The following CHST10 variants were observed in gnomAD, a reference collection of about 807,000 sequenced individuals.
CHST10 encodes HNK-1 sulfotransferase.
In CHST10, 24 loss-of-function variants were observed where a neutral mutation model predicts 34.7. That is an observed-to-expected ratio of 0.69 (90% CI 0.50 to 0.97). The LOEUF is 0.97. Ranked by LOEUF, CHST10 falls within the 50% of genes least tolerant of loss-of-function variation. CHST10 has a pLI of 0.00. For synonymous variants in CHST10, 161 were observed against 169.3 expected (o/e 0.95, Z 0.38); for missense variants, 402 against 452.1 (o/e 0.89, Z 1.00).
chr2:100,402,632 G>A lies in CHST10; in HGVS notation c.124C>T (p.Leu42=). The A allele has an allele frequency of 6.2e-7, 1 of 1,614,010 alleles. No individual in the cohort carries two copies. Among genetic ancestry groups the A allele is most frequent in the South Asian group, 1.1e-5 (1 of 91,080 alleles). ...PDVYSAKQEF[L]FLTTMPEVRK... is the part of the protein sequence containing the mutation. ...ACTTCCGGCATGGTTGTCAGGAACAGAAACTCCTGTTTGGCACTGTACACT... is the reference window on the plus strand; with the variant it reads ...ACTTCCGGCATGGTTGTCAGGAACAAAAACTCCTGTTTGGCACTGTACACT... Residue 42 remains leucine (L), a synonymous_variant, in exon 4 of 7, where the codon CTG becomes TTG. Transcript: ENST00000264249.
intron 3 of CHST10, among the ~76,000 whole-genome samples, chr2:100,405,100 G>A (rs369472435): frequency 1.3e-5 from 2 of 152,220 alleles, no homozygotes; most frequent in Non-Finnish European, 2.9e-5. Flanking sequence ...ATCTCTCAGT[G>A]GCATGGCACT....
intron 5 of CHST10, among the ~76,000 whole-genome samples, chr2:100,396,174 T>C (rs192589816): frequency 2.0e-5 from 3 of 152,318 alleles, no homozygotes; most frequent in Admixed American, 2.0e-4. Context: ...CAAAGACCTT[T>C]TGATGCTGGA....
rs1674857028 is a variant in CHST10 at position 100,392,880 on chromosome 2, C to A, written c.*365G>T. 4.0e-6 allele frequency: 1 copy of A among 250,552 alleles called. No individual in the cohort carries two copies. Among genetic ancestry groups the A allele is most frequent in the African/African-American group, 2.2e-5 (1 of 45,542 alleles). 15.5% of individuals were successfully genotyped at this position (250,552 alleles called of 1,614,324 possible). On this transcript the variant is annotated 3_prime_UTR_variant, in exon 7 of 7. Coordinates refer to ENST00000264249, the MANE Select transcript of CHST10 (RefSeq NM_004854.5). Reference sequence around the variant, plus strand: ...AAGCCACCCTGACTAGCCAGGAGAACCTCAGGGGCATCCCCTTCCTTAACA... The same window carrying A: ...AAGCCACCCTGACTAGCCAGGAGAAACTCAGGGGCATCCCCTTCCTTAACA...
At chr2:100,417,150 G>A in intron 1 of CHST10, 1 of 961,650 alleles carries the variant, frequency 1.0e-6, no homozygotes, top group Non-Finnish European at 1.5e-6. Context: ...AATTCCGCGG[G>A]TCACAGCATC....
intron 5 of CHST10, among the ~76,000 whole-genome samples, chr2:100,397,068 G>A (rs551267238): frequency 1.3e-5 from 2 of 152,292 alleles, no homozygotes; most frequent in African/African-American, 4.8e-5. Context: ...AGCATCAGGA[G>A]TGGCAAGCAG....
chr2:100,395,341 G>A (rs1342038949), intron 6 of CHST10, among the ~76,000 whole-genome samples, 168 bp downstream of exon 6: 1 of 152,154 alleles, frequency 6.6e-6, no homozygotes, highest in Non-Finnish European at 1.5e-5. Flanking sequence ...GAGTTTTGAG[G>A]CGCCGAATGG....
At chr2:100,416,705 AC>A (rs1468195594) in intron 1 of CHST10, 1 of 335,808 alleles carries the variant, frequency 3.0e-6, no homozygotes, top group African/African-American at 2.2e-5. Context: ...AACAACAACA[AC>A]AACAACAAAA....
rs559753114 is a variant in CHST10 at position 100,397,034 on chromosome 2, G to A, written c.427+874C>T. On this transcript the variant is annotated intron_variant, in intron 5 of 6. Coordinates refer to ENST00000264249, the MANE Select transcript of CHST10 (RefSeq NM_004854.5). Reference sequence around the variant, plus strand: ...CCCTGCGAAGGCCAAACAGTGGCCAGGAGTGACCACCGACTCTGTGGGCAG... The same window carrying A: ...CCCTGCGAAGGCCAAACAGTGGCCAAGAGTGACCACCGACTCTGTGGGCAG... 2.0e-5 allele frequency among the ~76,000 whole-genome samples: 3 copies of A among 152,250 alleles called. No homozygotes were observed. In the East Asian group the frequency reaches 5.8e-4, roughly 29 times the overall value.
intron 5 of CHST10, among the ~76,000 whole-genome samples, chr2:100,396,062 C>T (rs1225141575): frequency 5.9e-5 from 9 of 152,224 alleles, no homozygotes. Context: ...GCAGCAGCTT[C>T]ACAGCCCCAT....
Position 100,415,122 on chromosome 2 carries a change from A to C in CHST10, c.-103-11T>G. The C allele has an allele frequency of 7.8e-7, 1 of 1,279,714 alleles. No individual in the cohort carries two copies. 79.3% of individuals were successfully genotyped at this position (1,279,714 alleles called of 1,614,324 possible). On this transcript the variant is annotated splice_polypyrimidine_tract_variant and intron_variant, in intron 1 of 6. Coordinates refer to ENST00000264249, the MANE Select transcript of CHST10 (RefSeq NM_004854.5). The stretch of plus-strand genomic sequence containing the variant: ...TGGTTCCTCTTGTCACTGGATAGGA[A>C]AATTAAAAAAAAAAAAGCATTATTA...
chr2:100,396,458 T>A (rs930344970), intron 5 of CHST10, among the ~76,000 whole-genome samples: 16 of 152,200 alleles, frequency 1.1e-4, no homozygotes, highest in Non-Finnish European at 1.8e-4. Context: ...TATCCATCTT[T>A]GTGTTAATCC....
Position 100,393,036 on chromosome 2 carries a change from G to A in CHST10, c.*209C>T. On this transcript the variant is annotated 3_prime_UTR_variant, in exon 7 of 7. Coordinates refer to ENST00000264249, the MANE Select transcript of CHST10 (RefSeq NM_004854.5). ...GACATCCTAATGCACGCAGGGGTGT[G>A]GGCAGGGTCCTCAGAGCATCTTACA... The A allele has an allele frequency of 1.7e-6, 1 of 599,024 alleles. No homozygotes were observed. The highest frequency in any genetic ancestry group is 3.0e-6 in the Non-Finnish European group (1 of 338,960). 37.1% of individuals were successfully genotyped at this position (599,024 alleles called of 1,614,324 possible). A position where few individuals can be genotyped will look rare whatever the true frequency, so the allele number is the denominator to read the frequency against.
rs770187953 is a variant in CHST10, at chr2:100,406,555, TC to T, written c.100+20del. 4.3e-6 allele frequency: 7 copies of T among 1,613,152 alleles called. No homozygotes were observed. In the African/African-American group the frequency reaches 8.0e-5, roughly 18 times the overall value. On this transcript the variant is annotated intron_variant, in intron 3 of 6. Coordinates refer to ENST00000264249, the MANE Select transcript of CHST10 (RefSeq NM_004854.5). ...TAGGTCTAAATTAGCCAAAATTCGT[TC>T]CACCATGAAGCATACGTACCATCTG... is the stretch of plus-strand genomic sequence containing the variant.
chr2:100,413,081 T>G (rs966668473), intron 2 of CHST10, among the ~76,000 whole-genome samples: 4 of 152,266 alleles, frequency 2.6e-5, no homozygotes, highest in African/African-American at 9.6e-5. Context: ...AGGCTCATTA[T>G]TTCTGTCTAC....
intron 6 of CHST10, 88 bp from the exon 7 acceptor site, chr2:100,393,870 A>G (rs1674923050): frequency 1.9e-6 from 2 of 1,078,910 alleles, no homozygotes; most frequent in Non-Finnish European, 2.7e-6. Context: ...AGCGGAGTGC[A>G]GCACTGTGTA....
At chr2:100,411,380 G>A (rs1282452805) in intron 2 of CHST10, among the ~76,000 whole-genome samples, 1 of 152,072 alleles carries the variant, frequency 6.6e-6, no homozygotes, top group African/African-American at 2.4e-5. Flanking sequence ...TCAAAGTGCT[G>A]GGATTATAGG....
chr2:100,406,647 G>A lies in CHST10; in HGVS notation c.29C>T (p.Ala10Val), dbSNP rs1675591920. Residue 10 changes from alanine to valine, a missense_variant, in exon 3 of 7, where the codon GCA becomes GTA. Physicochemically the swap from Ala to Val is moderately conservative, Grantham distance 64 (BLOSUM62 0). Transcript: ENST00000264249. ...GAACATGAAAATCACCCAAAAGCATGCGGCCAGCAGAAGCCACTGGTGGTG... is the reference window on the plus strand; with the variant it reads ...GAACATGAAAATCACCCAAAAGCATACGGCCAGCAGAAGCCACTGGTGGTG... MHHQWLLLA[A>V]CFWVIFMFMV... The A allele has an allele frequency of 6.2e-7, 1 of 1,614,014 alleles. No individual in the cohort carries two copies. Among genetic ancestry groups the A allele is most frequent in the African/African-American group, 1.3e-5 (1 of 74,890 alleles).
At chr2:100,394,729 T>C (rs1357280175) in intron 6 of CHST10, among the ~76,000 whole-genome samples, 1 of 149,514 alleles carries the variant, frequency 6.7e-6, no homozygotes, top group Admixed American at 6.7e-5. Context: ...CCATCTTCTT[T>C]TTTTTTTTTT....
At chr2:100,407,656 A>T (rs1675638879) in intron 2 of CHST10, 2 of 151,934 alleles carry the variant, frequency 1.3e-5, no homozygotes, top group South Asian at 4.2e-4. Context: ...CAGGTGAATC[A>T]CTCTCCTTGT....
Sources: gnomAD v4.1 joint callset for allele counts (sites outside exome capture counted in the v4.1 genomes callset) on GRCh38, gnomAD v4.1.1 for gene constraint, MANE v1.5 for transcripts, NCBI Gene and HGNC (gene_info 2026-07-23, HGNC 2026-07-21) for gene names.